The following HAUS4 variants were observed in gnomAD, a reference collection of about 807,000 sequenced individuals.
HAUS4 encodes the protein HAUS augmin like complex subunit 4, also known as HAUS augmin-like complex subunit 4.
Under a neutral mutation model 50.6 loss-of-function variants are expected in HAUS4, and 34 were observed. The ratio of observed to expected loss-of-function variants is 0.67; its 90% CI spans 0.51 to 0.90. The LOEUF is 0.90. HAUS4 is among the 40% of genes least tolerant of loss of function. The pLI, the probability that HAUS4 is intolerant of heterozygous loss-of-function variation, is 0.00. For synonymous variants in HAUS4, 149 were observed against 161.4 expected, an observed-to-expected ratio of 0.92 and a Z score of 0.58; for missense variants, 370 against 428.7, an observed-to-expected ratio of 0.86 and a Z score of 1.21.
rs2044644697 is a variant in HAUS4 at position 22,946,499 on chromosome 14, G to A, written c.*26C>T. 2.5e-6 allele frequency: 4 copies of A among 1,588,122 alleles called. No individual in the cohort carries two copies. The highest frequency in any genetic ancestry group is 1.7e-6 in the Non-Finnish European group (2 of 1,163,328). The stretch of plus-strand genomic sequence containing the variant: ...ATTAGGAGGCAGCAGCTATGCAGAA[G>A]CCATGTCTCCTGGCCCTGCCAGAGC... On this transcript the variant is annotated 3_prime_UTR_variant, in exon 10 of 10. Coordinates refer to ENST00000541587, the MANE Select transcript of HAUS4 (RefSeq NM_001166269.2).
chr14:22,952,369 C>G lies in HAUS4; in HGVS notation c.289G>C (p.Val97Leu), dbSNP rs773294185. ...VIQELLVDYY[V>L]KIQDTNVTSE... The stretch of plus-strand genomic sequence containing the variant: ...GTTACATTTGTGTCTTGTATCTTCA[C>G]ATAGTAGTCCACAAGCAACTCTTGA... The change falls in exon 4 of 10, where the codon GTG (valine) becomes CTG (leucine). Residue 97 changes from valine to leucine, a missense_variant. Physicochemically the swap from Val to Leu is conservative, Grantham distance 32. Transcript: ENST00000541587. The G allele has an allele frequency of 1.9e-6, 3 of 1,613,992 alleles. No homozygotes were observed.
chr14:22,947,717 G>A lies in HAUS4; in HGVS notation c.723C>T (p.Cys241=), dbSNP rs1453553885. The part of the protein sequence containing the change: ...SAAYSQVLLR[C]LTLLQRLLQE... Reference sequence around the variant, plus strand: ...GAAGAAGCCTCTGCAGCAAAGTGAGGCAGCGGAGAAGCACCTGAGCCCAAG... The same window carrying A: ...GAAGAAGCCTCTGCAGCAAAGTGAGACAGCGGAGAAGCACCTGAGCCCAAG... The change falls in exon 8 of 10, where the codon TGC becomes TGT. Residue 241 remains cysteine, a synonymous_variant. Transcript: ENST00000541587. 2 of 1,614,062 alleles carry A rather than the reference G, an allele frequency of 1.2e-6. No homozygotes were observed. The highest frequency in any genetic ancestry group is 1.7e-5 in the Admixed American group (1 of 60,006).
intron 1 of HAUS4, 196 bp from the exon 2 acceptor site, chr14:22,955,372 G>A: frequency 1.7e-6 from 1 of 584,500 alleles, no homozygotes; most frequent in Non-Finnish European, 3.0e-6. Flanking sequence ...AGATTTACAA[G>A]TGCCAAAACA....
chr14:22,956,495 C>G (rs766796281), intron 1 of HAUS4, among the ~76,000 whole-genome samples: 9 of 151,848 alleles, frequency 5.9e-5, no homozygotes, highest in South Asian at 2.1e-4. Context: ...TTCGTCCCCC[C>G]CTAGGGTAAG....
chr14:22,951,744 C>A, intron 4 of HAUS4, 55 bp from the exon 5 acceptor site: 1 of 1,494,550 alleles, frequency 6.7e-7, no homozygotes, highest in Non-Finnish European at 9.1e-7. Context: ...TTCTCCCACT[C>A]CACCTCTTCC....
Position 22,955,208 on chromosome 14 carries a change from A to G in HAUS4, c.-22-32T>C, listed in dbSNP as rs1475852301. On this transcript the variant is annotated intron_variant, in intron 1 of 9. Coordinates refer to ENST00000541587, the MANE Select transcript of HAUS4 (RefSeq NM_001166269.2). ...AACCAAGAAGTGAAAGAAAACAAAAAGATGAATAAACAGCTGGCTGCTCCA... is the reference window on the plus strand; with the variant it reads ...AACCAAGAAGTGAAAGAAAACAAAAGGATGAATAAACAGCTGGCTGCTCCA... The G allele has an allele frequency of 4.6e-6, 6 of 1,303,488 alleles. No homozygotes were observed. In the Admixed American group the frequency reaches 6.7e-5, roughly 15 times the overall value. The allele number at this position is 1,303,488 out of a possible 1,614,324, so 80.7% of individuals were successfully genotyped here.
intron 1 of HAUS4, among the ~76,000 whole-genome samples, chr14:22,956,515 G>A (rs1361299601): frequency 6.6e-6 from 1 of 152,144 alleles, no homozygotes; most frequent in Non-Finnish European, 1.5e-5. Flanking sequence ...GTGTCCCCTT[G>A]CGTTTTTTAG....
rs1238011205 is a variant in HAUS4 at position 22,956,906 on chromosome 14, T to A, written c.-23+10A>T. The A allele has an allele frequency of 1.3e-5, 2 of 154,550 alleles. No individual in the cohort carries two copies. The highest frequency in any genetic ancestry group is 2.9e-5 in the Non-Finnish European group (2 of 68,370). The allele number at this position is 154,550 out of a possible 1,614,324, so 9.6% of individuals were successfully genotyped here. On this transcript the variant is annotated intron_variant, in intron 1 of 9. Coordinates refer to ENST00000541587, the MANE Select transcript of HAUS4 (RefSeq NM_001166269.2). ...CCCGAAGCTCCGCCCGCCGACCCTC[T>A]AAAGCAAACCTGCACACCCTGGGGC...
At chr14:22,956,878 T>G (rs982091234) in intron 1 of HAUS4, 38 bp downstream of exon 1, 1 of 154,442 alleles carries the variant, frequency 6.5e-6, no homozygotes, top group African/African-American at 2.4e-5. Flanking sequence ...AGAGCTCCTC[T>G]TCCCCGAAGC....
rs2044774353 is a variant in HAUS4 at position 22,952,548 on chromosome 14, T to G, written c.191A>C (p.Gln64Pro). ...TTCTCCCAAAGCCCTTACCTGAGCC[T>G]GCTCCTTTGCTAGGGTGAGGCTTAA... ...SGLSLTLAKE[Q>P]AQAWKEVRLH... Residue 64 changes from glutamine (Q) to proline (P), a missense_variant, in exon 3 of 10, where the codon CAG becomes CCG. Physicochemically the swap from Gln to Pro is moderately conservative, Grantham distance 76 (BLOSUM62 -1). Coordinates refer to ENST00000541587, the MANE Select transcript of HAUS4 (RefSeq NM_001166269.2). 2 of 1,613,196 alleles carry G rather than the reference T, an allele frequency of 1.2e-6. No homozygotes were observed. The highest frequency in any genetic ancestry group is 1.7e-6 in the Non-Finnish European group (2 of 1,179,580).
intron 6 of HAUS4, among the ~76,000 whole-genome samples, chr14:22,949,673 T>A (rs1243564311): frequency 6.6e-6 from 1 of 151,972 alleles, no homozygotes; most frequent in Non-Finnish European, 1.5e-5. Context: ...TTGACATAAA[T>A]GGTATTATAC....
intron 1 of HAUS4, among the ~76,000 whole-genome samples, chr14:22,956,102 G>A (rs910623380): frequency 5.9e-5 from 9 of 152,112 alleles, no homozygotes; most frequent in African/African-American, 2.2e-4. Flanking sequence ...AGAACATTTG[G>A]TTTACTCGAT....
Position 22,947,229 on chromosome 14 carries a change from G to T in HAUS4, c.850C>A (p.Leu284Ile). The T allele has an allele frequency of 6.2e-7, 1 of 1,605,436 alleles. No individual in the cohort carries two copies. Among genetic ancestry groups the T allele is most frequent in the Non-Finnish European group, 8.5e-7 (1 of 1,172,112 alleles). ...GTGTAAGTGTCGGACAAAATCTTTA[G>T]CTCCTCCATCCTGACAGAGGGAAGA... ...AMILKLRMEELKILSDTYTVE... is the reference protein window; with the variant it reads ...AMILKLRMEEIKILSDTYTVE... Residue 284 changes from leucine to isoleucine, a missense_variant, in exon 9 of 10, where the codon CTA becomes ATA. Coordinates refer to ENST00000541587, the MANE Select transcript of HAUS4 (RefSeq NM_001166269.2).
chr14:22,947,284 T>G, intron 8 of HAUS4, 45 bp from the exon 9 acceptor site: 1 of 1,334,700 alleles, frequency 7.5e-7, no homozygotes, highest in Non-Finnish European at 1.1e-6. Context: ...AGGTCCCTGA[T>G]AGCAGCAGGG....
At position 22,952,079 on chromosome 14, in the gene HAUS4, G is replaced by A. The variant is rs545367113; in HGVS notation, c.330+249C>T. Among the ~76,000 whole-genome samples, 24 of 152,182 alleles carry A rather than the reference G, an allele frequency of 1.6e-4. 1 individual carries two copies. In the South Asian group the frequency reaches 4.4e-3, roughly 28 times the overall value. The stretch of plus-strand genomic sequence containing the variant: ...GTCACCCAGGCTGGAGTGCTGTGGC[G>A]CAATCTCGGCTCACTGCAATCTCCG... On this transcript the variant is annotated intron_variant, in intron 4 of 9. Coordinates refer to ENST00000541587, the MANE Select transcript of HAUS4 (RefSeq NM_001166269.2).
chr14:22,956,834 A>T (rs2044874901), intron 1 of HAUS4, 82 bp downstream of exon 1: 1 of 154,158 alleles, frequency 6.5e-6, no homozygotes, highest in Admixed American at 6.5e-5. Context: ...AAGAGCGACG[A>T]CGGTCTCCGG....
rs767071840 is a variant in HAUS4, at chr14:22,947,970, G to A, written c.606C>T (p.Leu202=). 1.2e-5 allele frequency: 19 copies of A among 1,613,764 alleles called. No individual in the cohort carries two copies. Among genetic ancestry groups the A allele is most frequent in the South Asian group, 3.3e-5 (3 of 91,064 alleles). ...ETVKAAKVWK[L]AEVLVGEQQQ... is the part of the protein sequence containing the mutation. ...GCTGCTCACCCACCAGGACCTCTGC[G>A]AGTTTCCACACCTTTGCTGCCTTCA... The change falls in exon 7 of 10, where the codon CTC becomes CTT. Residue 202 remains leucine (L), a synonymous_variant. Transcript: ENST00000541587.
chr14:22,950,482 A>G (rs1028963979), intron 5 of HAUS4, 72 bp from the exon 6 acceptor site: 7 of 871,500 alleles, frequency 8.0e-6, no homozygotes, highest in Non-Finnish European at 1.3e-5. Flanking sequence ...CAATGAATAC[A>G]TGATGATAAC....
chr14:22,955,698 C>G (rs2044849494), intron 1 of HAUS4: 1 of 151,620 alleles, frequency 6.6e-6, no homozygotes, highest in Admixed American at 6.6e-5. Context: ...CTAGAATCAT[C>G]CTTCAGGAAT....
Sources: allele counts gnomAD v4.1 joint callset (sites outside exome capture counted in the v4.1 genomes callset), GRCh38; gene constraint gnomAD v4.1.1; transcripts MANE v1.5; gene names NCBI Gene and HGNC (gene_info 2026-07-23, HGNC 2026-07-21).